The following VTI1A variants were observed in gnomAD, a reference collection of about 807,000 sequenced individuals.
VTI1A encodes vesicle transport through interaction with t-SNAREs homolog 1A.
VTI1A carries 22 observed loss-of-function variants against 34.9 expected under a neutral mutation model. The observed-to-expected ratio is 0.63, with a 90% confidence interval of 0.45 to 0.90. VTI1A has a LOEUF of 0.90. VTI1A is among the 40% of genes least tolerant of loss of function. The pLI, the probability that VTI1A is intolerant of heterozygous loss-of-function variation, is 0.00. For missense variants in VTI1A, 268 were observed against 275.6 expected, an observed-to-expected ratio of 0.97 and a Z score of 0.20; for synonymous variants, 87 against 97.3, an observed-to-expected ratio of 0.89 and a Z score of 0.62.
In VTI1A at chr10:112,537,254, T is replaced by TAC. The variant is rs991749347; in HGVS notation, c.343-983_343-982dup. On this transcript the variant is annotated intron_variant, in intron 4 of 7. Coordinates refer to ENST00000393077, the MANE Select transcript of VTI1A (RefSeq NM_145206.4). ...ACGTATGCAGATACATGTATGCATG[T>TAC]ACACACACACGCACACACACACAGA... 2.8e-5 allele frequency among the ~76,000 whole-genome samples: 4 copies of TAC among 141,004 alleles called. No homozygotes were observed. The South Asian group carries it at 9.1e-4, about 32-fold the overall frequency. The allele number at this position is 141,004 out of a possible 152,430, so 92.5% of individuals were successfully genotyped here.
At chr10:112,819,070 T>G (rs1189291509), downstream of VTI1A, among the ~76,000 whole-genome samples, 1 of 152,244 alleles carries the variant, frequency 6.6e-6, no homozygotes, top group Non-Finnish European at 1.5e-5. Context: ...AGCTGTAAGT[T>G]GTATTCAAAT....
intron 5 of VTI1A, among the ~76,000 whole-genome samples, chr10:112,608,116 C>A (rs1205215230): frequency 6.6e-6 from 1 of 152,196 alleles, no homozygotes. Context: ...TACCACAGAA[C>A]TCTACTGTAA....
intron 5 of VTI1A, among the ~76,000 whole-genome samples, chr10:112,630,843 C>A (rs953816551): frequency 2.6e-5 from 4 of 152,104 alleles, no homozygotes; most frequent in Non-Finnish European, 2.9e-5. Context: ...AGAAGGCAGC[C>A]AAGTGCGGTG....
At chr10:112,538,440 G>A in intron 5 of VTI1A, 110 bp downstream of exon 5, 1 of 1,005,596 alleles carries the variant, frequency 9.9e-7, no homozygotes, top group Non-Finnish European at 1.5e-6. Context: ...AGCCCGAGAT[G>A]TGGTTTACAT....
intron 7 of VTI1A, among the ~76,000 whole-genome samples, chr10:112,810,105 A>T (rs961649310): frequency 6.6e-6 from 1 of 152,112 alleles, no homozygotes; most frequent in Non-Finnish European, 1.5e-5. Flanking sequence ...TTAAAAAAAA[A>T]AAAATGTTCA....
At chr10:112,737,292 C>T in intron 7 of VTI1A, 3 of 998,746 alleles carry the variant, frequency 3.0e-6, no homozygotes, top group Non-Finnish European at 3.6e-6. Flanking sequence ...CCATGTTGGC[C>T]AGGATGGTCT....
chr10:112,638,777 T>A (rs1170442911), intron 5 of VTI1A, among the ~76,000 whole-genome samples: 1 of 149,784 alleles, frequency 6.7e-6, no homozygotes, highest in Non-Finnish European at 1.5e-5. Flanking sequence ...AGAATACAGA[T>A]ATTACCATTT....
At chr10:112,492,021 C>A (rs1390426475) in intron 3 of VTI1A, among the ~76,000 whole-genome samples, 1 of 152,126 alleles carries the variant, frequency 6.6e-6, no homozygotes, top group Non-Finnish European at 1.5e-5. Context: ...TAGCCAGGAC[C>A]CAGGGATTGT....
intron 5 of VTI1A, among the ~76,000 whole-genome samples, chr10:112,657,983 A>G (rs1227911516): frequency 6.6e-6 from 1 of 152,194 alleles, no homozygotes; most frequent in Non-Finnish European, 1.5e-5. Flanking sequence ...ACTTAGGATC[A>G]TGGTTGCAGC....
chr10:112,641,864 G>A (rs1468457362), intron 5 of VTI1A, among the ~76,000 whole-genome samples: 1 of 152,028 alleles, frequency 6.6e-6, no homozygotes, highest in African/African-American at 2.4e-5. Context: ...CTGCACTTGC[G>A]CTTGTCTTTG....
At chr10:112,612,324 C>T (rs115037939) in intron 5 of VTI1A, among the ~76,000 whole-genome samples, 1,813 of 152,196 alleles carry the variant, frequency 0.012, 39 homozygotes, top group African/African-American at 0.041. Context: ...AAATTTTGGT[C>T]GTCATACATA....
chr10:112,696,671 CT>C (rs763917037), intron 7 of VTI1A, among the ~76,000 whole-genome samples: 2 of 152,096 alleles, frequency 1.3e-5, no homozygotes, highest in Non-Finnish European at 2.9e-5. Flanking sequence ...TCTTTGTTTT[CT>C]TAATTTGGGC....
At chr10:112,574,241 A>G (rs1852249538) in intron 5 of VTI1A, among the ~76,000 whole-genome samples, 1 of 152,222 alleles carries the variant, frequency 6.6e-6, no homozygotes, top group African/African-American at 2.4e-5. Context: ...GGGAGAACTG[A>G]CGTCTACTAA....
chr10:112,475,998 A>G (rs1848261985), intron 3 of VTI1A, among the ~76,000 whole-genome samples: 1 of 152,222 alleles, frequency 6.6e-6, no homozygotes, highest in Admixed American at 6.5e-5. Context: ...GTCCCTGTTT[A>G]GATAAATAAG....
At chr10:112,464,286 C>T (rs759440428) in intron 2 of VTI1A, among the ~76,000 whole-genome samples, 3 of 152,240 alleles carry the variant, frequency 2.0e-5, no homozygotes, top group African/African-American at 4.8e-5. Context: ...GCGTGAGCCA[C>T]GGCGCCTGGC....
Position 112,655,266 on chromosome 10 carries a change from G to A in VTI1A, c.428-12952G>A, listed in dbSNP as rs113261515. ...TCCACTTCCACAGAAAAGATTTGAA[G>A]TATCTTACTATAGATGATCAAGTAG... On this transcript the variant is annotated intron_variant, in intron 5 of 7. Coordinates refer to ENST00000393077, the MANE Select transcript of VTI1A (RefSeq NM_145206.4). Among the ~76,000 whole-genome samples the A allele has an allele frequency of 7.1e-3, 1,077 of 152,208 alleles. 4 individuals carry two copies. The highest frequency in any genetic ancestry group is 0.011 in the Non-Finnish European group (759 of 68,020).
At chr10:112,829,401 G>A in the VTI1A span, among the ~76,000 whole-genome samples, 30 of 146,938 alleles carry the variant, frequency 2.0e-4, no homozygotes, top group Non-Finnish European at 2.8e-4. Flanking sequence ...CCCAGACCGC[G>A]CCACTGCACT....
rs1272486462 is a variant in VTI1A, at chr10:112,668,230, A to T, written c.440A>T (p.Gln147Leu). 1 of 1,612,560 alleles carries T rather than the reference A, an allele frequency of 6.2e-7. No individual in the cohort carries two copies. The highest frequency in any genetic ancestry group is 2.2e-5 in the East Asian group (1 of 44,802). ...QIAVETEQIG[Q>L]EMLENLSHDR... ...TTCTTTTCCGTAGAGCAAATTGGTC[A>T]GGAGATGTTGGAAAACCTTAGTCAT... Residue 147 changes from glutamine to leucine, a missense_variant, in exon 6 of 8, where the codon CAG becomes CTG. By Grantham distance (113) the Gln-to-Leu change is moderately radical. Coordinates refer to ENST00000393077, the MANE Select transcript of VTI1A (RefSeq NM_145206.4).
chr10:112,783,946 C>T (rs1057025418), intron 7 of VTI1A, among the ~76,000 whole-genome samples: 4 of 152,146 alleles, frequency 2.6e-5, no homozygotes, highest in African/African-American at 7.2e-5. Flanking sequence ...CGCCTTCTCC[C>T]GAGAACTGTC....
Sources: allele counts gnomAD v4.1 joint callset (sites outside exome capture counted in the v4.1 genomes callset), GRCh38; gene constraint gnomAD v4.1.1; transcripts MANE v1.5; gene names NCBI Gene and HGNC (gene_info 2026-07-23, HGNC 2026-07-21).